The following ITPR1 variants were observed in gnomAD, a reference collection of about 807,000 sequenced individuals.
The protein encoded by ITPR1 is inositol 1,4,5-trisphosphate receptor type 1.
In ITPR1, 96 loss-of-function variants were observed where a neutral mutation model predicts 318.4. The ratio of observed to expected loss-of-function variants is 0.30; its 90% CI spans 0.26 to 0.36. The LOEUF is 0.36. ITPR1 is among the 10% of genes least tolerant of loss of function. ITPR1 has a pLI of 1.00. For synonymous variants in ITPR1, 1,312 were observed against 1,289.9 expected (o/e 1.02, Z -0.37); for missense variants, 2,440 against 3,460.2 (o/e 0.71, Z 7.40).
intron 61 of ITPR1, among the ~76,000 whole-genome samples, chr3:4,838,883 C>T (rs911912766): frequency 3.3e-5 from 5 of 151,982 alleles, no homozygotes; most frequent in South Asian, 4.1e-4. Context: ...AACCAGGCAA[C>T]GCCTCCCTAC....
intron 44 of ITPR1, among the ~76,000 whole-genome samples, chr3:4,758,102 G>A (rs987689732): frequency 1.3e-5 from 2 of 152,178 alleles, no homozygotes; most frequent in Non-Finnish European, 2.9e-5. Flanking sequence ...GCCTTAACCT[G>A]AGAACTTAAA....
At chr3:4,509,956 C>G (rs2124900234) in intron 2 of ITPR1, among the ~76,000 whole-genome samples, 1 of 152,330 alleles carries the variant, frequency 6.6e-6, no homozygotes, top group Middle Eastern at 3.4e-3. Context: ...CATGAGCTTG[C>G]AGTCTAGTGG....
At chr3:4,783,964 A>G in intron 51 of ITPR1, 44 bp downstream of exon 51, 2 of 1,353,494 alleles carry the variant, frequency 1.5e-6, no homozygotes, top group Non-Finnish European at 1.0e-6. Context: ...TGTTGAGGCC[A>G]TTAGTGTGCA....
At chr3:4,596,822 C>T (rs574289832) in intron 4 of ITPR1, among the ~76,000 whole-genome samples, 1 of 152,186 alleles carries the variant, frequency 6.6e-6, no homozygotes, top group Admixed American at 6.5e-5. Context: ...ATGTCACTCC[C>T]TGGGGGAATA....
intron 4 of ITPR1, among the ~76,000 whole-genome samples, chr3:4,602,116 T>C (rs558663435): frequency 6.6e-6 from 1 of 152,336 alleles, no homozygotes; most frequent in East Asian, 1.9e-4. Context: ...AACCACTTTG[T>C]AAAAGTTAGG....
intron 34 of ITPR1, among the ~76,000 whole-genome samples, chr3:4,697,732 G>A (rs533053744): frequency 1.4e-4 from 21 of 151,976 alleles, no homozygotes; most frequent in Non-Finnish European, 3.1e-4. Context: ...GATTAGAAGC[G>A]TGAGCCACCA....
chr3:4,771,912 G>C (rs949376081), intron 46 of ITPR1, among the ~76,000 whole-genome samples: 1 of 152,090 alleles, frequency 6.6e-6, no homozygotes, highest in African/African-American at 2.4e-5. Context: ...AAACTAGAGT[G>C]CTCCCTCACC....
In ITPR1 at chr3:4,594,028, C is replaced by T. The variant is rs189702335; in HGVS notation, c.164-33735C>T. Reference sequence around the variant, plus strand: ...TGTGGGAGATATGATATGGGAAATGCGGGGCTTGAACCTGTGGCAGAGGCA... The same window carrying T: ...TGTGGGAGATATGATATGGGAAATGTGGGGCTTGAACCTGTGGCAGAGGCA... On this transcript the variant is annotated intron_variant, in intron 4 of 61. Coordinates refer to ENST00000649015, the MANE Select transcript of ITPR1 (RefSeq NM_001378452.1). Among the ~76,000 whole-genome samples the T allele has an allele frequency of 7.4e-4, 113 of 152,182 alleles. 1 individual carries two copies. The highest frequency in any genetic ancestry group is 2.4e-3 in the African/African-American group (100 of 41,506).
In ITPR1 at chr3:4,772,575, G is replaced by A. The variant is rs540136023; in HGVS notation, c.5980-2667G>A. 2.6e-5 allele frequency among the ~76,000 whole-genome samples: 4 copies of A among 152,354 alleles called. No individual in the cohort carries two copies. In the South Asian group the frequency reaches 8.3e-4, roughly 32 times the overall value. ...TTGCTTTTCCCCTGGGGTAATGAAT[G>A]CAGGTCCTGATCTCTTTCCACCAAA... On this transcript the variant is annotated intron_variant, in intron 46 of 61. Coordinates refer to ENST00000649015, the MANE Select transcript of ITPR1 (RefSeq NM_001378452.1).
At chr3:4,758,733 C>T (rs937818296) in intron 44 of ITPR1, among the ~76,000 whole-genome samples, 2 of 152,182 alleles carry the variant, frequency 1.3e-5, no homozygotes, top group Non-Finnish European at 2.9e-5. Context: ...CTAGGCAGAG[C>T]GTGCCTGGAG....
chr3:4,514,414 G>T (rs572128936), intron 2 of ITPR1, among the ~76,000 whole-genome samples: 1 of 152,284 alleles, frequency 6.6e-6, no homozygotes, highest in East Asian at 1.9e-4. Context: ...AGCAACATGG[G>T]GTACATCATG....
rs1391898673 is a variant in ITPR1, at chr3:4,768,565, C to T, written c.5780C>T (p.Ala1927Val). 3.1e-6 allele frequency: 5 copies of T among 1,613,838 alleles called. No homozygotes were observed. Among genetic ancestry groups the T allele is most frequent in the East Asian group, 2.2e-5 (1 of 44,896 alleles). The stretch of plus-strand genomic sequence containing the variant: ...GAGGTCCGGGATCAGCTCCTGGAGG[C>T]CTCCGCTGCCACCAGGAAAGCCTTC... ...TEEVRDQLLEASAATRKAFTT... is the reference protein window; with the variant it reads ...TEEVRDQLLEVSAATRKAFTT... The change falls in exon 46 of 62, where the codon GCC becomes GTC. Residue 1927 changes from alanine (A) to valine (V), a missense_variant. By Grantham distance (64) the Ala-to-Val change is moderately conservative. Around this residue, in one of 23 missense-constraint regions of ITPR1, gnomAD observed 113 missense variants for 103.6 expected, o/e 1.09. Coordinates refer to ENST00000649015, the MANE Select transcript of ITPR1 (RefSeq NM_001378452.1).
At chr3:4,516,666 A>G (rs2082194040) in intron 3 of ITPR1, 83 bp downstream of exon 3, 1 of 856,568 alleles carries the variant, frequency 1.2e-6, no homozygotes, top group South Asian at 1.6e-5. Context: ...TTCTAACATA[A>G]GAACGTCACC....
rs369714757 is a variant in ITPR1 at position 4,500,647 on chromosome 3, T to G, written c.-17+6141T>G. On this transcript the variant is annotated intron_variant, in intron 2 of 61. Coordinates refer to ENST00000649015, the MANE Select transcript of ITPR1 (RefSeq NM_001378452.1). ...GTATTTCCAAAATGCAATTGACCTA[T>G]CCTTGCCTTTTTGCAAAGAATTCTG... 8.5e-5 allele frequency among the ~76,000 whole-genome samples: 13 copies of G among 152,328 alleles called. No individual in the cohort carries two copies. The East Asian group carries it at 2.3e-3, about 27-fold the overall frequency.
rs1282278019 is a variant in ITPR1, at chr3:4,689,185, G to C, written c.3828+565G>C. 4.6e-5 allele frequency among the ~76,000 whole-genome samples: 7 copies of C among 152,212 alleles called. No homozygotes were observed. The East Asian group carries it at 7.7e-4, about 17-fold the overall frequency. On this transcript the variant is annotated intron_variant, in intron 31 of 61. Coordinates refer to ENST00000649015, the MANE Select transcript of ITPR1 (RefSeq NM_001378452.1). ...AGATATAAATTTTTCTCATTCTTCT[G>C]ATGGCCAAATGACATTCCATAGAAT...
chr3:4,814,597 GGGC>G, intron 58 of ITPR1, 35 bp downstream of exon 58: 1 of 1,262,550 alleles, frequency 7.9e-7, no homozygotes, highest in Non-Finnish European at 1.1e-6. Flanking sequence ...AGGGCAAAGG[GGGC>G]GGGTGGGGTG....
chr3:4,649,449 G>A (rs928547210), intron 10 of ITPR1, among the ~76,000 whole-genome samples: 15 of 152,172 alleles, frequency 9.9e-5, no homozygotes, highest in African/African-American at 3.4e-4. Flanking sequence ...TTATATGTCT[G>A]TAGCTTATTG....
At chr3:4,713,540 G>A (rs1483404265) in intron 39 of ITPR1, among the ~76,000 whole-genome samples, 1 of 152,166 alleles carries the variant, frequency 6.6e-6, no homozygotes, top group Non-Finnish European at 1.5e-5. Context: ...AGGCTATGTG[G>A]AAGGTGTGCT....
At position 4,673,199 on chromosome 3, in the gene ITPR1, C is replaced by G; in HGVS notation, c.2268C>G (p.Ile756Met). Residue 756 changes from isoleucine to methionine, a missense_variant, in exon 21 of 62, where the codon ATC (isoleucine) becomes ATG (methionine). Physicochemically the swap from Ile to Met is conservative, Grantham distance 10. Transcript: ENST00000649015. ...LDRQYLAINE[I>M]SGQLDVDLIL... ...GCCAATACCTGGCCATCAACGAAATCTCAGGCCAGCTGGATGTCGATCTCA... is the reference window on the plus strand; with the variant it reads ...GCCAATACCTGGCCATCAACGAAATGTCAGGCCAGCTGGATGTCGATCTCA... The G allele has an allele frequency of 6.2e-7, 1 of 1,613,966 alleles. No individual in the cohort carries two copies. The highest frequency in any genetic ancestry group is 8.5e-7 in the Non-Finnish European group (1 of 1,179,856).
Sources: allele counts gnomAD v4.1 joint callset (sites outside exome capture counted in the v4.1 genomes callset), GRCh38; gene constraint gnomAD v4.1.1; regional missense constraint gnomAD v4.1.1; transcripts MANE v1.5; gene names NCBI Gene and HGNC (gene_info 2026-07-23, HGNC 2026-07-21).